PRTFDC1: variants seen among roughly 807,000 people sequenced by gnomAD.
PRTFDC1 encodes the protein phosphoribosyl transferase domain containing 1.
A neutral mutation model predicts 34.6 loss-of-function variants in PRTFDC1; 38 were observed. That is an observed-to-expected ratio of 1.10 (90% CI 0.85 to 1.44). The LOEUF (loss-of-function observed/expected upper bound fraction) is 1.44. Among genes scored for constraint, PRTFDC1 ranks in the 40% most tolerant of loss-of-function variants. The pLI, the probability that PRTFDC1 is intolerant of heterozygous loss-of-function variation, is 0.00. For missense variants in PRTFDC1, 270 were observed against 283.0 expected (o/e 0.95, Z 0.33); for synonymous variants, 93 against 98.1 (o/e 0.95, Z 0.31).
intron 3 of PRTFDC1, among the ~76,000 whole-genome samples, chr10:24,907,212 TA>T (rs59328007): frequency 2.1e-4 from 32 of 149,064 alleles, no homozygotes; most frequent in African/African-American, 5.2e-4. Context: ...ACCCTGTCTC[TA>T]AAAAAAAAAT....
chr10:24,894,624 C>T (rs1447362506), intron 3 of PRTFDC1, among the ~76,000 whole-genome samples: 1 of 152,150 alleles, frequency 6.6e-6, no homozygotes, highest in African/African-American at 2.4e-5. Context: ...TGGCTCACAA[C>T]CAGGTTCCTG....
At chr10:24,927,739 G>A (rs759931576) in intron 3 of PRTFDC1, among the ~76,000 whole-genome samples, 1 of 151,786 alleles carries the variant, frequency 6.6e-6, no homozygotes, top group Non-Finnish European at 1.5e-5. Flanking sequence ...ACACCACCAC[G>A]TCCAGCTAAT....
At chr10:24,891,393 G>C (rs1848259078) in intron 3 of PRTFDC1, among the ~76,000 whole-genome samples, 1 of 152,114 alleles carries the variant, frequency 6.6e-6, no homozygotes, top group Non-Finnish European at 1.5e-5. Context: ...TTTTATTGCT[G>C]TAGTTTAAAA....
At chr10:24,855,465 T>C in intron 6 of PRTFDC1, 101 bp from the exon 7 acceptor site, 1 of 1,424,380 alleles carries the variant, frequency 7.0e-7, no homozygotes, top group Non-Finnish European at 9.8e-7. Context: ...ATACATATTT[T>C]GCTACTGTGG....
intron 3 of PRTFDC1, among the ~76,000 whole-genome samples, chr10:24,907,661 A>G (rs975250535): frequency 5.9e-5 from 9 of 152,188 alleles, no homozygotes; most frequent in Non-Finnish European, 1.3e-4. Flanking sequence ...CTCAGAAAAC[A>G]TCTGTGGAAA....
chr10:24,895,121 G>T (rs925393868), intron 3 of PRTFDC1, among the ~76,000 whole-genome samples: 1 of 152,076 alleles, frequency 6.6e-6, no homozygotes, highest in East Asian at 1.9e-4. Flanking sequence ...TCCTTGTCTT[G>T]TTATAAACTG....
intron 4 of PRTFDC1, among the ~76,000 whole-genome samples, chr10:24,866,463 G>C (rs1169348509): frequency 6.6e-6 from 1 of 151,462 alleles, no homozygotes; most frequent in Non-Finnish European, 1.5e-5. Context: ...GTGTTTTCAT[G>C]GTGCCAGATT....
At chr10:24,933,099 C>T (rs545799605) in intron 3 of PRTFDC1, among the ~76,000 whole-genome samples, 59 of 151,966 alleles carry the variant, frequency 3.9e-4, no homozygotes, top group Middle Eastern at 3.4e-3. Context: ...TACCTTATAT[C>T]GTAGTAAAAA....
At chr10:24,895,437 G>C (rs1848336921) in intron 3 of PRTFDC1, among the ~76,000 whole-genome samples, 1 of 150,830 alleles carries the variant, frequency 6.6e-6, no homozygotes, top group African/African-American at 2.4e-5. Flanking sequence ...TTTTAGTAGA[G>C]ATGGGGTTTC....
intron 4 of PRTFDC1, among the ~76,000 whole-genome samples, chr10:24,861,895 T>A (rs185488134): frequency 1.1e-4 from 16 of 152,102 alleles, no homozygotes; most frequent in Admixed American, 9.2e-4. Flanking sequence ...CTCCTCAGCC[T>A]CCCAGAGTGC....
chr10:24,891,228 G>A (rs552792090), intron 3 of PRTFDC1, among the ~76,000 whole-genome samples: 1 of 152,198 alleles, frequency 6.6e-6, no homozygotes, highest in African/African-American at 2.4e-5. Context: ...TTAATTTGCT[G>A]TAAAATTCAT....
At chr10:24,916,372 G>A (rs1334687164) in intron 3 of PRTFDC1, among the ~76,000 whole-genome samples, 1 of 152,064 alleles carries the variant, frequency 6.6e-6, no homozygotes, top group Non-Finnish European at 1.5e-5. Flanking sequence ...GTCAGATAAT[G>A]ACATTCTGCT....
intron 3 of PRTFDC1, among the ~76,000 whole-genome samples, chr10:24,892,232 C>T (rs893244764): frequency 2.0e-5 from 3 of 152,098 alleles, no homozygotes; most frequent in Non-Finnish European, 4.4e-5. Context: ...AGCAATCCAC[C>T]CACTTTGGCC....
At chr10:24,876,190 A>G (rs1847959848) in intron 3 of PRTFDC1, among the ~76,000 whole-genome samples, 1 of 151,814 alleles carries the variant, frequency 6.6e-6, no homozygotes, top group Admixed American at 6.6e-5. Context: ...GACCAGCCTG[A>G]GCAACATAGT....
intron 3 of PRTFDC1, among the ~76,000 whole-genome samples, chr10:24,890,799 G>A (rs1482572511): frequency 3.9e-5 from 6 of 152,220 alleles, no homozygotes; most frequent in Non-Finnish European, 8.8e-5. Context: ...GAGAAACCTA[G>A]CCCTGCCTGG....
intron 3 of PRTFDC1, among the ~76,000 whole-genome samples, chr10:24,873,062 G>A (rs1212919912): frequency 1.3e-5 from 2 of 151,970 alleles, no homozygotes; most frequent in African/African-American, 4.8e-5. Context: ...CCGAGCCCAA[G>A]TGATTCTCCT....
intron 3 of PRTFDC1, among the ~76,000 whole-genome samples, chr10:24,902,693 C>T (rs899179968): frequency 1.3e-5 from 2 of 152,172 alleles, no homozygotes; most frequent in Admixed American, 1.3e-4. Context: ...TCTCATCACC[C>T]AGTGACAAGG....
chr10:24,917,569 G>T (rs1326478548), intron 3 of PRTFDC1, among the ~76,000 whole-genome samples: 1 of 151,928 alleles, frequency 6.6e-6, no homozygotes, highest in African/African-American at 2.4e-5. Context: ...CCTTTTTTAG[G>T]GTTTTTTAGT....
At chr10:24,880,582 C>A (rs953142973) in intron 3 of PRTFDC1, among the ~76,000 whole-genome samples, 8 of 152,174 alleles carry the variant, frequency 5.3e-5, no homozygotes, top group African/African-American at 1.9e-4. Flanking sequence ...AAGCCATGTG[C>A]TCTGTGGTTA....
Sources: allele counts gnomAD v4.1 joint callset (sites outside exome capture counted in the v4.1 genomes callset), GRCh38; gene constraint gnomAD v4.1.1; transcripts MANE v1.5; gene names NCBI Gene and HGNC (gene_info 2026-07-23, HGNC 2026-07-21).